Variants in SOS2 observed in about 807,000 individuals in gnomAD.
The protein encoded by SOS2 is SOS Ras/Rho guanine nucleotide exchange factor 2.
SOS2 carries 65 observed loss-of-function variants against 148.2 expected under a neutral mutation model. That is an observed-to-expected ratio of 0.44 (90% CI 0.36 to 0.54). The LOEUF (loss-of-function observed/expected upper bound fraction) is 0.54. Among genes scored for constraint, SOS2 ranks in the 20% least tolerant of loss-of-function variants. The pLI, the probability that SOS2 is intolerant of heterozygous loss-of-function variation, is 0.00. For missense variants in SOS2, 1,341 were observed against 1,590.2 expected (o/e 0.84, Z 2.67); for synonymous variants, 539 against 537.1 (o/e 1.00, Z -0.05).
intron 1 of SOS2, among the ~76,000 whole-genome samples, chr14:50,219,688 T>G (rs575445540): frequency 6.6e-6 from 1 of 152,210 alleles, no homozygotes; most frequent in Non-Finnish European, 1.5e-5. Context: ...TGTAAATATA[T>G]ACTTTATATC....
intron 7 of SOS2, among the ~76,000 whole-genome samples, chr14:50,180,360 A>G (rs1885691826): frequency 6.8e-6 from 1 of 146,120 alleles, no homozygotes; most frequent in South Asian, 2.3e-4. Context: ...GTCATTCAGT[A>G]CTCATGATGT....
At chr14:50,207,919 A>AG (rs1886720324) in intron 1 of SOS2, among the ~76,000 whole-genome samples, 1 of 151,884 alleles carries the variant, frequency 6.6e-6, no homozygotes, top group Admixed American at 6.6e-5. Flanking sequence ...AAAAAAGAAA[A>AG]GAAAAAAAGA....
chr14:50,213,182 C>A (rs1480719932), intron 1 of SOS2, among the ~76,000 whole-genome samples: 2 of 152,098 alleles, frequency 1.3e-5, no homozygotes, highest in Non-Finnish European at 2.9e-5. Context: ...GGTGACCAGT[C>A]CACACTGGTG....
At chr14:50,178,668 GTGCATATATATATATATATATATA>G (rs1448520013) in intron 7 of SOS2, among the ~76,000 whole-genome samples, 57 of 68,416 alleles carry the variant, frequency 8.3e-4, no homozygotes, top group Non-Finnish European at 1.3e-3. Flanking sequence ...GTGTGTGTGT[GTGCATATATATATATATATATATA>G]TATATATATA....
Position 50,201,041 on chromosome 14 carries a change from G to A in SOS2, c.257C>T (p.Ala86Val), listed in dbSNP as rs146272145. The change falls in exon 3 of 23, where the codon GCC becomes GTC. Residue 86 changes from alanine to valine, a missense_variant. Physicochemically the swap from Ala to Val is moderately conservative, Grantham distance 64 (BLOSUM62 0). Around this residue, in one of 4 missense-constraint regions of SOS2, gnomAD observed 574 missense variants for 711.1 expected, o/e 0.81. Transcript: ENST00000216373. Reference sequence around the variant, plus strand: ...TATAGCAGATTGTGCATCAGCAATGGCCCATTTATCAATTGGGTGAGGAAA... The same window carrying A: ...TATAGCAGATTGTGCATCAGCAATGACCCATTTATCAATTGGGTGAGGAAA... Reference protein sequence around the residue: ...KTFPHPIDKWAIADAQSAIEK... With the variant: ...KTFPHPIDKWVIADAQSAIEK... 120 of 1,612,760 alleles carry A rather than the reference G, an allele frequency of 7.4e-5. 1 individual carries two copies. Among genetic ancestry groups the A allele is most frequent in the Non-Finnish European group, 9.5e-5 (112 of 1,178,976 alleles).
chr14:50,158,830 C>G (rs565495534), intron 10 of SOS2, among the ~76,000 whole-genome samples, 184 bp from the exon 11 acceptor site: 1 of 152,178 alleles, frequency 6.6e-6, no homozygotes, highest in Non-Finnish European at 1.5e-5. Context: ...TAGAGAAATA[C>G]TGACATAGAG....
intron 8 of SOS2, among the ~76,000 whole-genome samples, chr14:50,170,101 T>G (rs1258939785): frequency 7.3e-5 from 11 of 151,312 alleles, no homozygotes; most frequent in African/African-American, 2.7e-4. Flanking sequence ...AATCTGATTT[T>G]TTTTTTTTTT....
Position 50,160,134 on chromosome 14 carries a change from T to C in SOS2, c.1197-48A>G, listed in dbSNP as rs764299066. ...CTTATTCAACAGCTAGCAACCCAAA[T>C]GGTTTCAAGCATAAACCATCTCAAA... On this transcript the variant is annotated intron_variant, in intron 9 of 22. Coordinates refer to ENST00000216373, the MANE Select transcript of SOS2 (RefSeq NM_006939.4). 7 of 1,435,132 alleles carry C rather than the reference T, an allele frequency of 4.9e-6. No individual in the cohort carries two copies. The South Asian group carries it at 6.4e-5, about 13-fold the overall frequency. 88.9% of individuals were successfully genotyped at this position (1,435,132 alleles called of 1,614,324 possible).
chr14:50,167,692 A>G (rs1247542348), intron 8 of SOS2, among the ~76,000 whole-genome samples: 3 of 152,094 alleles, frequency 2.0e-5, no homozygotes, highest in African/African-American at 7.2e-5. Flanking sequence ...AACATGATGA[A>G]ACCCAGTCTC....
At chr14:50,186,542 G>C (rs1033200915) in intron 5 of SOS2, among the ~76,000 whole-genome samples, 4 of 151,860 alleles carry the variant, frequency 2.6e-5, no homozygotes, top group Non-Finnish European at 4.4e-5. Flanking sequence ...AGCACTTTGG[G>C]GGGCTGAGAA....
chr14:50,160,189 C>A, intron 9 of SOS2, 103 bp from the exon 10 acceptor site: 2 of 860,584 alleles, frequency 2.3e-6, no homozygotes, highest in Admixed American at 2.9e-5. Flanking sequence ...AATAACCAAA[C>A]AGTAGCTTTT....
chr14:50,174,164 G>C (rs1441645985), intron 8 of SOS2, among the ~76,000 whole-genome samples: 1 of 144,710 alleles, frequency 6.9e-6, no homozygotes, highest in Non-Finnish European at 1.5e-5. Context: ...AATTAAAATA[G>C]AGAAGAGAGT....
At chr14:50,158,161 ATGTGTTTTG>A (rs1472421741) in intron 11 of SOS2, among the ~76,000 whole-genome samples, 1 of 152,052 alleles carries the variant, frequency 6.6e-6, no homozygotes, top group African/African-American at 2.4e-5. Context: ...CTGCTCTTGT[ATGTGTTTTG>A]AAAGTTTTCA....
At chr14:50,196,559 C>T (rs1450563862) in intron 4 of SOS2, among the ~76,000 whole-genome samples, 1 of 152,058 alleles carries the variant, frequency 6.6e-6, no homozygotes, top group African/African-American at 2.4e-5. Flanking sequence ...ATCCCCATTT[C>T]CCCCACTCCA....
At chr14:50,231,025 C>G (rs76579759) in intron 1 of SOS2, 172 bp downstream of exon 1, 11 of 571,104 alleles carry the variant, frequency 1.9e-5, no homozygotes, top group Non-Finnish European at 2.5e-5. Context: ...AAAAAAAAAA[C>G]TTGAGAAACG....
rs1886353393 is a variant in SOS2, at chr14:50,197,641, C to CA, written c.510+2049_510+2050insT. Among the ~76,000 whole-genome samples, 7 of 151,860 alleles carry CA rather than the reference C, an allele frequency of 4.6e-5. No homozygotes were observed. The South Asian group carries it at 1.5e-3, about 32-fold the overall frequency. On this transcript the variant is annotated intron_variant, in intron 4 of 22. Coordinates refer to ENST00000216373, the MANE Select transcript of SOS2 (RefSeq NM_006939.4). ...ACCACAGGATTACACTGCAGTGGTC[C>CA]CTGTGCCTATTGCCATGGCCTCTCT...
chr14:50,161,712 A>T, intron 8 of SOS2, 103 bp from the exon 9 acceptor site: 1 of 958,378 alleles, frequency 1.0e-6, no homozygotes, highest in Non-Finnish European at 1.5e-6. Flanking sequence ...ACTCTAAGTT[A>T]ATTTTATATA....
At chr14:50,146,765 T>C (rs1185005234) in intron 14 of SOS2, among the ~76,000 whole-genome samples, 1 of 152,168 alleles carries the variant, frequency 6.6e-6, no homozygotes, top group Non-Finnish European at 1.5e-5. Flanking sequence ...TTGTGGAGTA[T>C]AAATATAACG....
intron 19 of SOS2, 134 bp downstream of exon 19, chr14:50,133,989 A>G (rs1883992365): frequency 1.5e-6 from 1 of 657,052 alleles, no homozygotes; most frequent in Non-Finnish European, 2.7e-6. Flanking sequence ...CCAGTTTTAG[A>G]AATAGTATAT....
Sources: gnomAD v4.1 joint callset for allele counts (sites outside exome capture counted in the v4.1 genomes callset) on GRCh38, gnomAD v4.1.1 for gene constraint, gnomAD v4.1.1 regional missense constraint, MANE v1.5 for transcripts, NCBI Gene and HGNC (gene_info 2026-07-23, HGNC 2026-07-21) for gene names.